Variants in LPXN observed in about 807,000 individuals in gnomAD.
LPXN encodes the protein leupaxin.
In LPXN, 28 loss-of-function variants were observed where a neutral mutation model predicts 45.6. The ratio of observed to expected loss-of-function variants is 0.61; its 90% CI spans 0.45 to 0.84. LPXN has a LOEUF of 0.84. Among genes scored for constraint, LPXN ranks in the 40% least tolerant of loss-of-function variants. LPXN has a pLI of 0.00. For synonymous variants in LPXN, 166 were observed against 169.9 expected (o/e 0.98, Z 0.18); for missense variants, 459 against 475.0 (o/e 0.97, Z 0.31).
chr11:58,569,405 T>C (rs1251531206), intron 2 of LPXN, among the ~76,000 whole-genome samples: 2 of 152,186 alleles, frequency 1.3e-5, no homozygotes, highest in Non-Finnish European at 2.9e-5. Context: ...TGTTTGTTTT[T>C]TGAGACAAGC....
At chr11:58,573,384 T>C (rs1260718657) in intron 1 of LPXN, among the ~76,000 whole-genome samples, 1 of 152,178 alleles carries the variant, frequency 6.6e-6, no homozygotes, top group Non-Finnish European at 1.5e-5. Context: ...TTATTCTACA[T>C]CTTTCAATTA....
At chr11:58,528,655 G>C (rs937738843) in intron 7 of LPXN, among the ~76,000 whole-genome samples, 2 of 152,188 alleles carry the variant, frequency 1.3e-5, no homozygotes, top group Admixed American at 1.3e-4. Context: ...AGCTCTGAGA[G>C]AAACTAGATA....
chr11:58,565,106 G>A (rs1555010176), intron 2 of LPXN, among the ~76,000 whole-genome samples: 1 of 152,146 alleles, frequency 6.6e-6, no homozygotes, highest in Non-Finnish European at 1.5e-5. Flanking sequence ...AAAGAAAATG[G>A]GTTCCAAAAA....
intron 7 of LPXN, among the ~76,000 whole-genome samples, chr11:58,528,901 A>C (rs112908419): frequency 6.6e-6 from 1 of 152,166 alleles, no homozygotes; most frequent in African/African-American, 2.4e-5. Flanking sequence ...TGAAAATCCC[A>C]ATTATTCCTC....
rs745994455 is a variant in LPXN at position 58,528,131 on chromosome 11, G to T, written c.803C>A (p.Pro268His). 6.2e-7 allele frequency: 1 copy of T among 1,614,174 alleles called. No homozygotes were observed. Among genetic ancestry groups the T allele is most frequent in the East Asian group, 2.2e-5 (1 of 44,874 alleles). ...TGGGCGATTGCAGCCACCACACTTGGGTGAGAACATGGCTAAGAAATCCTT... is the reference window on the plus strand; with the variant it reads ...TGGGCGATTGCAGCCACCACACTTGTGTGAGAACATGGCTAAGAAATCCTT... Reference protein sequence around the residue: ...CRKDFLAMFSPKCGGCNRPVL... With the variant: ...CRKDFLAMFSHKCGGCNRPVL... The change falls in exon 8 of 9, where the codon CCC becomes CAC. Residue 268 changes from proline to histidine, a missense_variant. Coordinates refer to ENST00000395074, the MANE Select transcript of LPXN (RefSeq NM_004811.3).
At chr11:58,554,666 G>A (rs1854149930) in intron 4 of LPXN, 175 bp downstream of exon 4, 1 of 520,886 alleles carries the variant, frequency 1.9e-6, no homozygotes, top group Admixed American at 3.6e-5. Context: ...GTACAAAGAT[G>A]GGTTAATTCA....
chr11:58,542,899 C>T (rs908072537), intron 7 of LPXN, among the ~76,000 whole-genome samples: 1 of 152,112 alleles, frequency 6.6e-6, no homozygotes, highest in South Asian at 2.1e-4. Context: ...TAAAAACAAA[C>T]GTTTCTGCAA....
At chr11:58,564,228 A>G (rs373242880) in intron 2 of LPXN, 27 bp from the exon 3 acceptor site, 588 of 1,530,754 alleles carry the variant, frequency 3.8e-4, no homozygotes, top group Non-Finnish European at 4.7e-4. Context: ...ACAAGAGAAG[A>G]GCAAAGAATA....
chr11:58,566,025 A>G (rs1249263149), intron 2 of LPXN, among the ~76,000 whole-genome samples: 8 of 152,108 alleles, frequency 5.3e-5, no homozygotes, highest in Admixed American at 5.2e-4. Flanking sequence ...GATTATCTGA[A>G]CATTTTTAAT....
rs150087065 is a variant in LPXN at position 58,530,191 on chromosome 11, G to A, written c.743-2000C>T. Reference sequence around the variant, plus strand: ...ACCTAGATGCACCTGGAATGCCAGCGAGACAGAACTGTTCACTCCCCTGGA... The same window carrying A: ...ACCTAGATGCACCTGGAATGCCAGCAAGACAGAACTGTTCACTCCCCTGGA... On this transcript the variant is annotated intron_variant, in intron 7 of 8. Transcript: ENST00000395074. 5.1e-3 allele frequency among the ~76,000 whole-genome samples: 777 copies of A among 152,292 alleles called. 5 individuals are homozygous for A. Among genetic ancestry groups the A allele is most frequent in the South Asian group, 0.011 (51 of 4,818 alleles).
rs1168358389 is a variant in LPXN, at chr11:58,549,598, TAA to T, written c.742+186_742+187del. On this transcript the variant is annotated intron_variant, in intron 7 of 8. Transcript: ENST00000395074. ...ACTATGCATTTGTATTTCTGTGATT[TAA>T]AAAATCAATTTAAAGGGAAATTATA... Among the ~76,000 whole-genome samples, 31 of 152,292 alleles carry T rather than the reference TAA, an allele frequency of 2.0e-4. No homozygotes were observed. In the East Asian group the frequency reaches 3.7e-3, roughly 18 times the overall value.
chr11:58,551,361 T>C (rs965990737), intron 4 of LPXN, 129 bp from the exon 5 acceptor site: 2 of 681,184 alleles, frequency 2.9e-6, no homozygotes, highest in Non-Finnish European at 4.3e-6. Context: ...CTGCAAGACA[T>C]TGGAAAAATC....
chr11:58,539,279 T>A (rs1853645521), intron 7 of LPXN, among the ~76,000 whole-genome samples: 2 of 152,190 alleles, frequency 1.3e-5, no homozygotes, highest in South Asian at 4.1e-4. Context: ...CTCTGAACTC[T>A]AGCCTGGGAG....
chr11:58,542,746 A>G (rs1361978976), intron 7 of LPXN, among the ~76,000 whole-genome samples: 1 of 152,132 alleles, frequency 6.6e-6, no homozygotes, highest in Non-Finnish European at 1.5e-5. Flanking sequence ...AATTATGATG[A>G]AACAACATGG....
At chr11:58,548,454 A>G (rs79755898) in intron 7 of LPXN, among the ~76,000 whole-genome samples, 2,226 of 152,202 alleles carry the variant, frequency 0.015, 49 homozygotes, top group African/African-American at 0.051. Context: ...CAGAAAAAAA[A>G]AAAAGAAAAG....
chr11:58,564,132 G>C, intron 3 of LPXN, 23 bp downstream of exon 3: 2 of 1,467,264 alleles, frequency 1.4e-6, no homozygotes, highest in Non-Finnish European at 1.9e-6. Flanking sequence ...ATTTTTAAAA[G>C]CATTTAATAG....
intron 3 of LPXN, among the ~76,000 whole-genome samples, chr11:58,559,067 A>G (rs1218560817): frequency 6.6e-6 from 1 of 151,862 alleles, no homozygotes; most frequent in Non-Finnish European, 1.5e-5. Context: ...AGAAAAAGAA[A>G]CTCAAATGTT....
chr11:58,552,041 T>C (rs1449756135), intron 4 of LPXN, among the ~76,000 whole-genome samples: 1 of 152,294 alleles, frequency 6.6e-6, no homozygotes, highest in East Asian at 1.9e-4. Context: ...AACCTCATGG[T>C]AAACGCTTGG....
At position 58,575,795 on chromosome 11, in the gene LPXN, T is replaced by A; in HGVS notation, c.-23A>T. On this transcript the variant is annotated 5_prime_UTR_variant, in exon 1 of 9. Coordinates refer to ENST00000395074, the MANE Select transcript of LPXN (RefSeq NM_004811.3). The stretch of plus-strand genomic sequence containing the variant: ...CATTGTCCTACATCCAAGATGCTCT[T>A]GTCTCACAGGCCGTGAGGAACAGCT... The A allele has an allele frequency of 1.9e-6, 3 of 1,612,982 alleles. No homozygotes were observed. The highest frequency in any genetic ancestry group is 2.5e-6 in the Non-Finnish European group (3 of 1,179,882).
Sources: allele counts gnomAD v4.1 joint callset (sites outside exome capture counted in the v4.1 genomes callset), GRCh38; gene constraint gnomAD v4.1.1; transcripts MANE v1.5; gene names NCBI Gene and HGNC (gene_info 2026-07-23, HGNC 2026-07-21).